Variants in PHACTR1 observed in about 807,000 individuals in gnomAD.
PHACTR1 encodes phosphatase and actin regulator 1.
A neutral mutation model predicts 69.2 loss-of-function variants in PHACTR1; 16 were observed. The observed-to-expected ratio is 0.23, with a 90% CI of 0.16 to 0.35. PHACTR1 has a LOEUF of 0.35. PHACTR1 is among the 10% of genes least tolerant of loss of function. The pLI is 1.00. For missense variants in PHACTR1, 510 were observed against 734.7 expected, an observed-to-expected ratio of 0.69 and a Z score of 3.54; for synonymous variants, 312 against 284.5, an observed-to-expected ratio of 1.10 and a Z score of -0.97.
chr6:13,031,309 A>G (rs1474922144), intron 4 of PHACTR1, among the ~76,000 whole-genome samples: 1 of 152,102 alleles, frequency 6.6e-6, no homozygotes, highest in Non-Finnish European at 1.5e-5. Context: ...GTGTTTGTCT[A>G]TTTTAGGACT....
intron 4 of PHACTR1, among the ~76,000 whole-genome samples, chr6:12,932,898 T>G (rs1789021049): frequency 6.6e-6 from 1 of 151,956 alleles, no homozygotes; most frequent in Admixed American, 6.6e-5. Flanking sequence ...CTATTATGTA[T>G]CTAACTATAC....
intron 5 of PHACTR1, among the ~76,000 whole-genome samples, chr6:13,096,087 C>CT (rs2127844199): frequency 6.6e-6 from 1 of 151,952 alleles, no homozygotes; most frequent in South Asian, 2.1e-4. Context: ...ATGTTGTTAA[C>CT]TTTTGAGTTT....
At chr6:13,210,597 C>A (rs1339718805) in intron 8 of PHACTR1, among the ~76,000 whole-genome samples, 1 of 152,138 alleles carries the variant, frequency 6.6e-6, no homozygotes, top group Non-Finnish European at 1.5e-5. Context: ...CTGTGTGACC[C>A]AAAGCGTATG....
At chr6:13,183,735 G>T (rs1762480241) in intron 7 of PHACTR1, among the ~76,000 whole-genome samples, 1 of 152,140 alleles carries the variant, frequency 6.6e-6, no homozygotes, top group South Asian at 2.1e-4. Context: ...CCCAGGGAGG[G>T]TTTCCCAATG....
At chr6:12,867,539 GC>G (rs1781577817) in intron 4 of PHACTR1, among the ~76,000 whole-genome samples, 1 of 152,172 alleles carries the variant, frequency 6.6e-6, no homozygotes, top group South Asian at 2.1e-4. Flanking sequence ...CAACTGACTT[GC>G]CCCAGAGGTT....
chr6:12,993,511 A>G (rs762726569), intron 4 of PHACTR1, among the ~76,000 whole-genome samples: 10 of 152,306 alleles, frequency 6.6e-5, no homozygotes, highest in Non-Finnish European at 1.3e-4. Flanking sequence ...TTCAATTCTC[A>G]ATTTAAGGGC....
intron 4 of PHACTR1, among the ~76,000 whole-genome samples, chr6:12,959,181 A>G (rs1792318005): frequency 9.5e-6 from 1 of 105,370 alleles, no homozygotes; most frequent in Non-Finnish European, 1.8e-5. Flanking sequence ...TATCTCAAAA[A>G]AAAAAAAAAA....
At chr6:12,820,886 C>T (rs1776132876) in intron 4 of PHACTR1, among the ~76,000 whole-genome samples, 2 of 152,118 alleles carry the variant, frequency 1.3e-5, no homozygotes, top group Non-Finnish European at 2.9e-5. Flanking sequence ...AAAACCGAGC[C>T]CTCCAGGAAA....
intron 4 of PHACTR1, among the ~76,000 whole-genome samples, chr6:12,961,209 A>G (rs568680538): frequency 6.6e-6 from 1 of 152,326 alleles, no homozygotes; most frequent in South Asian, 2.1e-4. Context: ...GAAATCCATG[A>G]CAAAGATAAC....
chr6:13,212,935 A>G (rs1767100337), intron 8 of PHACTR1, among the ~76,000 whole-genome samples: 1 of 152,124 alleles, frequency 6.6e-6, no homozygotes, highest in Non-Finnish European at 1.5e-5. Context: ...TATTCCTATC[A>G]AAGCATTTTT....
At chr6:13,212,029 T>C (rs1766928250) in intron 8 of PHACTR1, among the ~76,000 whole-genome samples, 1 of 152,200 alleles carries the variant, frequency 6.6e-6, no homozygotes, top group Non-Finnish European at 1.5e-5. Context: ...TCCTGGGGAC[T>C]CTCTTCTTGG....
intron 4 of PHACTR1, among the ~76,000 whole-genome samples, chr6:12,977,407 A>G: frequency 6.7e-6 from 1 of 150,212 alleles, no homozygotes; most frequent in South Asian, 2.1e-4. Context: ...CACACACACA[A>G]CACATTTAAA....
chr6:12,933,043 C>A (rs995002729), intron 4 of PHACTR1, among the ~76,000 whole-genome samples: 1 of 148,616 alleles, frequency 6.7e-6, no homozygotes, highest in African/African-American at 2.5e-5. Context: ...TCAAGTGATT[C>A]TACTGCCTCA....
chr6:13,193,158 T>C (rs1196598302), intron 7 of PHACTR1, among the ~76,000 whole-genome samples: 1 of 151,476 alleles, frequency 6.6e-6, no homozygotes, highest in Non-Finnish European at 1.5e-5. Flanking sequence ...TACAGACAGT[T>C]AGACCAGCCA....
At chr6:12,944,577 T>A (rs1790401294) in intron 4 of PHACTR1, among the ~76,000 whole-genome samples, 13 of 152,194 alleles carry the variant, frequency 8.5e-5, no homozygotes, top group Admixed American at 8.5e-4. Context: ...GGTATGTGTG[T>A]AGCTCTGTGC....
chr6:13,086,424 C>T (rs1383013374), intron 5 of PHACTR1, among the ~76,000 whole-genome samples: 1 of 152,004 alleles, frequency 6.6e-6, no homozygotes. Flanking sequence ...AGACATGTAA[C>T]CCCCTCCACA....
At chr6:12,888,986 G>C (rs1187513735) in intron 4 of PHACTR1, among the ~76,000 whole-genome samples, 1 of 152,168 alleles carries the variant, frequency 6.6e-6, no homozygotes, top group Non-Finnish European at 1.5e-5. Context: ...AAGTCAATGG[G>C]GTAAGGCCAG....
At chr6:12,925,642 G>A (rs540018851) in intron 4 of PHACTR1, among the ~76,000 whole-genome samples, 1 of 152,266 alleles carries the variant, frequency 6.6e-6, no homozygotes, top group East Asian at 1.9e-4. Flanking sequence ...CAAAGGTCCT[G>A]GATTTGGCTG....
chr6:12,855,971 C>G (rs1482095777), intron 4 of PHACTR1, among the ~76,000 whole-genome samples: 3 of 152,168 alleles, frequency 2.0e-5, no homozygotes, highest in African/African-American at 7.2e-5. Context: ...GCCTTACAGC[C>G]CAGGGCATGT....
Sources: allele counts gnomAD v4.1 joint callset (sites outside exome capture counted in the v4.1 genomes callset), GRCh38; gene constraint gnomAD v4.1.1; transcripts MANE v1.5; gene names NCBI Gene and HGNC (gene_info 2026-07-23, HGNC 2026-07-21).